PCNX2: variants seen among roughly 807,000 people sequenced by gnomAD.
The protein encoded by PCNX2 is pecanex-like protein 2.
A neutral mutation model predicts 223.8 loss-of-function variants in PCNX2; 168 were observed. The ratio of observed to expected loss-of-function variants is 0.75; its 90% confidence interval spans 0.66 to 0.85. The LOEUF (loss-of-function observed/expected upper bound fraction) is 0.85. PCNX2 is among the 40% of genes least tolerant of loss of function. The pLI, the probability that PCNX2 is intolerant of heterozygous loss-of-function variation, is 0.00. For synonymous variants in PCNX2, 1,006 were observed against 1,052.6 expected (o/e 0.96, Z 0.86); for missense variants, 2,507 against 2,675.5 (o/e 0.94, Z 1.39).
chr1:233,306,239 A>G, the PCNX2 span, among the ~76,000 whole-genome samples: 3 of 152,252 alleles, frequency 2.0e-5, no homozygotes, highest in Non-Finnish European at 2.9e-5. Context: ...TGCACCCAAC[A>G]ACAGAACCTC....
chr1:233,094,278 A>G (rs1187787274), intron 22 of PCNX2, among the ~76,000 whole-genome samples: 1 of 152,256 alleles, frequency 6.6e-6, no homozygotes, highest in African/African-American at 2.4e-5. Flanking sequence ...TCTAAAGAGG[A>G]AACTTTAGAA....
At chr1:233,270,978 G>C (rs1254077327) in intron 1 of PCNX2, among the ~76,000 whole-genome samples, 1 of 152,184 alleles carries the variant, frequency 6.6e-6, no homozygotes, top group East Asian at 1.9e-4. Flanking sequence ...TCTTCTGATA[G>C]AGAATATTGA....
At chr1:233,321,534 G>A in the PCNX2 span, among the ~76,000 whole-genome samples, 1 of 152,168 alleles carries the variant, frequency 6.6e-6, no homozygotes, top group Non-Finnish European at 1.5e-5. Flanking sequence ...CTGACCTCAA[G>A]TGATCCGCCC....
chr1:233,258,399 T>G lies in PCNX2; in HGVS notation c.1463A>C (p.Glu488Ala). The G allele has an allele frequency of 1.2e-6, 2 of 1,613,944 alleles. No individual in the cohort carries two copies. The highest frequency in any genetic ancestry group is 2.2e-5 in the South Asian group (2 of 91,074). The change falls in exon 5 of 34, where the codon GAA becomes GCA. Residue 488 changes from glutamate to alanine, a missense_variant. Physicochemically the swap from Glu to Ala is moderately radical, Grantham distance 107. Transcript: ENST00000258229. ...AAGCCGGGACACCGATTCCCAGGGT[T>G]CCCGTGATGAAGAACTGTGATCCTT... ...AIKDHSSSSR[E>A]PWESVSRLTP...
chr1:233,289,481 C>T (rs1661636971), intron 1 of PCNX2: 4 of 922,440 alleles, frequency 4.3e-6, no homozygotes, highest in South Asian at 2.7e-5. Context: ...CGAGCGCCGG[C>T]TTAGGAAGAG....
At chr1:233,032,018 C>T in intron 25 of PCNX2, 1 of 984,394 alleles carries the variant, frequency 1.0e-6, no homozygotes, top group Non-Finnish European at 1.2e-6. Context: ...GACACATTAA[C>T]ACTGGCTTGC....
chr1:233,256,815 A>G (rs930345308), intron 5 of PCNX2, among the ~76,000 whole-genome samples: 1 of 152,202 alleles, frequency 6.6e-6, no homozygotes, highest in African/African-American at 2.4e-5. Flanking sequence ...CCTGTCTGTT[A>G]AAAAGTTTAA....
chr1:233,120,984 T>C (rs1453755784), intron 21 of PCNX2, among the ~76,000 whole-genome samples: 1 of 151,960 alleles, frequency 6.6e-6, no homozygotes, highest in Non-Finnish European at 1.5e-5. Flanking sequence ...AAGGCTGCCC[T>C]ATATGAAGTC....
intron 25 of PCNX2, among the ~76,000 whole-genome samples, chr1:233,037,452 T>A (rs115143709): frequency 0.012 from 1,864 of 152,256 alleles, 34 homozygotes; most frequent in African/African-American, 0.042. Context: ...CACCTCAGCC[T>A]CTGGAGTAGC....
Position 233,126,511 on chromosome 1 carries a change from GTGTGTT to G in PCNX2, c.3837+8496_3837+8501del, listed in dbSNP as rs1226682510. 7.1e-6 allele frequency among the ~76,000 whole-genome samples: 1 copy of G among 140,802 alleles called. No individual in the cohort carries two copies. Among genetic ancestry groups the G allele is most frequent in the East Asian group, 3.4e-4 (1 of 2,908 alleles). 92.4% of individuals were successfully genotyped at this position (140,802 alleles called of 152,430 possible). ...TATTTTAAATTTGTGTGGTGTGTGT[GTGTGTT>G]TGTGTGTGTGTGTGTGTGTGTAAAT... On this transcript the variant is annotated intron_variant, in intron 21 of 33. Transcript: ENST00000258229. The surrounding 1 kb of genome is among the most constrained non-coding windows in gnomAD (Gnocchi z 4.8).
intron 12 of PCNX2, among the ~76,000 whole-genome samples, chr1:233,216,657 T>C (rs1221665673): frequency 1.3e-5 from 2 of 152,138 alleles, no homozygotes; most frequent in East Asian, 1.9e-4. Flanking sequence ...AAAATAAAAA[T>C]AGAATTTTTA....
intron 15 of PCNX2, among the ~76,000 whole-genome samples, chr1:233,187,023 C>T (rs16858817): frequency 1.3e-5 from 2 of 152,136 alleles, no homozygotes; most frequent in Admixed American, 6.5e-5. Context: ...TTATGTGACA[C>T]ACTAATAGGA....
intron 9 of PCNX2, among the ~76,000 whole-genome samples, chr1:233,235,171 C>T (rs1434059067): frequency 6.6e-6 from 1 of 151,966 alleles, no homozygotes; most frequent in Non-Finnish European, 1.5e-5. Context: ...GGAGGAGAGC[C>T]TGAATACATG....
intron 23 of PCNX2, among the ~76,000 whole-genome samples, chr1:233,065,120 A>C (rs1672545333): frequency 6.6e-6 from 1 of 152,176 alleles, no homozygotes; most frequent in Admixed American, 6.5e-5. Context: ...ACATTCCCTC[A>C]GTGCTTTTCT....
chr1:233,307,936 TCAGAAGACAA>T, the PCNX2 span, among the ~76,000 whole-genome samples: 2 of 152,162 alleles, frequency 1.3e-5, no homozygotes, highest in South Asian at 4.1e-4. Context: ...ATGTGAGAAC[TCAGAAGACAA>T]CATTCACGTG....
the PCNX2 span, among the ~76,000 whole-genome samples, chr1:233,309,536 C>T: frequency 1.0e-5 from 1 of 95,456 alleles, no homozygotes; most frequent in East Asian, 2.5e-4. Context: ...GTGAGACTCC[C>T]TCAAAAAAAT....
chr1:233,145,126 G>C (rs1027668349), intron 19 of PCNX2, among the ~76,000 whole-genome samples: 2 of 151,632 alleles, frequency 1.3e-5, no homozygotes, highest in South Asian at 4.2e-4. Context: ...CACCACGCCC[G>C]GCTAATTTTT....
intron 10 of PCNX2, among the ~76,000 whole-genome samples, chr1:233,221,511 A>C (rs1657378974): frequency 6.6e-6 from 1 of 152,174 alleles, no homozygotes; most frequent in Non-Finnish European, 1.5e-5. Context: ...TCTCTCCCTC[A>C]GTTTCCTGTT....
At chr1:233,020,581 C>T (rs1346473369) in intron 26 of PCNX2, among the ~76,000 whole-genome samples, 7 of 152,246 alleles carry the variant, frequency 4.6e-5, no homozygotes, top group African/African-American at 9.6e-5. Flanking sequence ...TCTAGGAAGG[C>T]GGGCCTGGCA....
Sources: allele counts gnomAD v4.1 joint callset (sites outside exome capture counted in the v4.1 genomes callset), GRCh38; gene constraint gnomAD v4.1.1; non-coding constraint Gnocchi (gnomAD v3.1); transcripts MANE v1.5; gene names NCBI Gene and HGNC (gene_info 2026-07-23, HGNC 2026-07-21).